The following BICD1 variants were observed in gnomAD, a reference collection of about 807,000 sequenced individuals.
BICD1 encodes the protein BICD cargo adaptor 1.
A neutral mutation model predicts 92.5 loss-of-function variants in BICD1; 35 were observed. The observed-to-expected ratio is 0.38, with a 90% CI of 0.29 to 0.50. The LOEUF (loss-of-function observed/expected upper bound fraction) is 0.50, where lower values mean the gene tolerates loss of function less well. Among genes scored for constraint, BICD1 ranks in the 20% least tolerant of loss-of-function variants. The pLI is 0.93. For missense variants in BICD1, 950 were observed against 1,189.8 expected, an observed-to-expected ratio of 0.80 and a Z score of 2.97; for synonymous variants, 429 against 465.1, an observed-to-expected ratio of 0.92 and a Z score of 1.00.
chr12:32,203,331 T>A (rs1187339348), intron 1 of BICD1, among the ~76,000 whole-genome samples: 1 of 152,200 alleles, frequency 6.6e-6, no homozygotes, highest in East Asian at 1.9e-4. Flanking sequence ...GGTTTGGTCA[T>A]TGAGCCATCT....
At chr12:32,371,474 A>T (rs965617843) in intron 9 of BICD1, among the ~76,000 whole-genome samples, 2 of 152,222 alleles carry the variant, frequency 1.3e-5, no homozygotes. Flanking sequence ...ACAAGGGTTC[A>T]TTTCTTTACA....
chr12:32,195,975 G>A (rs972699671), intron 1 of BICD1, among the ~76,000 whole-genome samples: 5 of 152,072 alleles, frequency 3.3e-5, no homozygotes, highest in Non-Finnish European at 7.4e-5. Flanking sequence ...ATTTAAAAAC[G>A]GACAAAGGAC....
rs1944253432 is a variant in BICD1 at position 32,180,917 on chromosome 12, A to G, written c.214-35330A>G. 1.3e-5 allele frequency among the ~76,000 whole-genome samples: 2 copies of G among 151,444 alleles called. 1 individual carries two copies. Among genetic ancestry groups the G allele is most frequent in the Admixed American group, 1.3e-4 (2 of 15,166 alleles). On this transcript the variant is annotated intron_variant, in intron 1 of 9. Coordinates refer to ENST00000652176, the MANE Select transcript of BICD1 (RefSeq NM_001714.4). ...CAGTTTGTTACTGCTCTTTCCTATC[A>G]TATTCTCTTGTGGGCACCAAATTTT... is the stretch of plus-strand genomic sequence containing the variant.
intron 1 of BICD1, among the ~76,000 whole-genome samples, chr12:32,169,111 T>A (rs1477917516): frequency 1.3e-5 from 2 of 152,198 alleles, no homozygotes; most frequent in South Asian, 2.1e-4. Flanking sequence ...GCTCTGTGAT[T>A]AACTCTGTGG....
chr12:32,367,362 A>G (rs1446732797), intron 8 of BICD1, among the ~76,000 whole-genome samples: 2 of 152,186 alleles, frequency 1.3e-5, no homozygotes, highest in African/African-American at 4.8e-5. Context: ...CATTATATTA[A>G]TAGACCCTTT....
intron 2 of BICD1, among the ~76,000 whole-genome samples, chr12:32,254,779 G>A (rs190513922): frequency 6.6e-6 from 1 of 152,276 alleles, no homozygotes; most frequent in Admixed American, 6.5e-5. Context: ...TTAGAAATGA[G>A]CAATGAACCA....
At chr12:32,306,888 T>G (rs1185046791) in intron 4 of BICD1, among the ~76,000 whole-genome samples, 1 of 75,732 alleles carries the variant, frequency 1.3e-5, no homozygotes, top group South Asian at 3.3e-4. Context: ...TGGTGGTGGG[T>G]GCCTGTAATC....
chr12:32,316,119 G>A (rs1470721364), intron 4 of BICD1, among the ~76,000 whole-genome samples: 2 of 120,794 alleles, frequency 1.7e-5, no homozygotes, highest in Non-Finnish European at 1.8e-5. Context: ...CTGGGCAACA[G>A]AGTGAGACCC....
chr12:32,295,082 G>GAAAAAA (rs10647988), intron 3 of BICD1, among the ~76,000 whole-genome samples: 3 of 103,472 alleles, frequency 2.9e-5, no homozygotes, highest in Non-Finnish European at 5.6e-5. Flanking sequence ...ATTCCGTCTC[G>GAAAAAA]AAAAAAAAAA....
intron 2 of BICD1, among the ~76,000 whole-genome samples, chr12:32,276,611 C>T (rs1592597998): frequency 1.3e-5 from 2 of 152,220 alleles, no homozygotes; most frequent in Admixed American, 1.3e-4. Context: ...CCTTTGGGTC[C>T]CCTCCCTTTG....
At chr12:32,235,658 G>A (rs1946044321) in intron 2 of BICD1, among the ~76,000 whole-genome samples, 1 of 148,194 alleles carries the variant, frequency 6.7e-6, no homozygotes, top group Admixed American at 6.7e-5. Flanking sequence ...TTATGACTGT[G>A]TCACATTTTG....
At chr12:32,182,278 C>CTTTCTTTTTTTTT (rs1198874082) in intron 1 of BICD1, among the ~76,000 whole-genome samples, 3 of 81,430 alleles carry the variant, frequency 3.7e-5, no homozygotes, top group South Asian at 4.6e-4. Context: ...TTCTTTCTTT[C>CTTTCTTTTTTTTT]TTTTTTTTTT....
intron 2 of BICD1, 74 bp from the exon 3 acceptor site, chr12:32,293,920 A>G (rs1947790766): frequency 2.1e-6 from 3 of 1,422,104 alleles, no homozygotes; most frequent in East Asian, 5.1e-5. Flanking sequence ...ATTATTTTTA[A>G]CTACCAGGAC....
chr12:32,130,812 A>G (rs1415354695), intron 1 of BICD1, among the ~76,000 whole-genome samples: 2 of 152,124 alleles, frequency 1.3e-5, no homozygotes, highest in Non-Finnish European at 2.9e-5. Context: ...GCTTCTATAT[A>G]GTTAAATAAA....
At chr12:32,290,840 G>A (rs1321129299) in intron 2 of BICD1, among the ~76,000 whole-genome samples, 1 of 152,186 alleles carries the variant, frequency 6.6e-6, no homozygotes, top group African/African-American at 2.4e-5. Flanking sequence ...CTGTTTCAGA[G>A]TTGAGCCCCT....
chr12:32,348,129 C>T (rs1938698756), intron 8 of BICD1, among the ~76,000 whole-genome samples: 1 of 152,156 alleles, frequency 6.6e-6, no homozygotes, highest in Non-Finnish European at 1.5e-5. Flanking sequence ...TTTTTGTTTA[C>T]TGTTCTCTCC....
intron 3 of BICD1, among the ~76,000 whole-genome samples, chr12:32,294,788 A>G (rs966788443): frequency 7.2e-5 from 11 of 152,114 alleles, no homozygotes; most frequent in South Asian, 4.1e-4. Flanking sequence ...GAGCAAAATT[A>G]TAAGAAAAAG....
chr12:32,243,264 A>ATTTTT (rs71068310), intron 2 of BICD1, among the ~76,000 whole-genome samples: 5,900 of 73,774 alleles, frequency 0.08, 542 homozygotes, highest in African/African-American at 0.18. Flanking sequence ...TGCCTGGCTA[A>ATTTTT]TTTTTTTTTT....
chr12:32,298,162 G>A (rs1347946422), intron 3 of BICD1, among the ~76,000 whole-genome samples: 4 of 144,780 alleles, frequency 2.8e-5, no homozygotes, highest in South Asian at 2.2e-4. Flanking sequence ...CAGCCTGAGC[G>A]ATAGAGTGAG....
Sources: gnomAD v4.1 joint callset for allele counts (sites outside exome capture counted in the v4.1 genomes callset) on GRCh38, gnomAD v4.1.1 for gene constraint, MANE v1.5 for transcripts, NCBI Gene and HGNC (gene_info 2026-07-23, HGNC 2026-07-21) for gene names.